Variants in PTCHD4 observed in about 807,000 individuals in gnomAD.
The protein encoded by PTCHD4 is patched domain-containing protein 4.
Under a neutral mutation model 58.1 loss-of-function variants are expected in PTCHD4, and 33 were observed. The observed-to-expected ratio is 0.57, with a 90% confidence interval of 0.43 to 0.76. PTCHD4 has a LOEUF of 0.76. Among genes scored for constraint, PTCHD4 ranks in the 30% least tolerant of loss-of-function variants. The pLI is 0.00. For synonymous variants in PTCHD4, 478 were observed against 409.6 expected, an observed-to-expected ratio of 1.17 and a Z score of -2.02; for missense variants, 1,058 against 1,027.1, an observed-to-expected ratio of 1.03 and a Z score of -0.41.
intron 3 of PTCHD4, among the ~76,000 whole-genome samples, chr6:48,065,249 A>G (rs1301868415): frequency 6.6e-6 from 1 of 152,154 alleles, no homozygotes; most frequent in African/African-American, 2.4e-5. Context: ...ATGTCAAGTA[A>G]TTGCCAATTC....
intron 4 of PTCHD4, among the ~76,000 whole-genome samples, chr6:48,001,225 A>G (rs759285437): frequency 7.2e-5 from 11 of 152,202 alleles, no homozygotes; most frequent in African/African-American, 2.7e-4. Context: ...CAAGCTACCA[A>G]TGACTTTCTT....
intron 1 of PTCHD4, among the ~76,000 whole-genome samples, chr6:48,089,776 T>A (rs954398101): frequency 1.3e-5 from 2 of 152,248 alleles, no homozygotes; most frequent in Non-Finnish European, 2.9e-5. Context: ...TTCCCAAAGT[T>A]GTGAATCACA....
Position 47,879,472 on chromosome 6 carries a change from T to C in PTCHD4, c.1363A>G (p.Ile455Val). 1.2e-6 allele frequency: 2 copies of C among 1,613,628 alleles called. No homozygotes were observed. The highest frequency in any genetic ancestry group is 1.7e-6 in the Non-Finnish European group (2 of 1,179,698). The change falls in exon 5 of 5, where the codon ATT (isoleucine) becomes GTT (valine). Residue 455 changes from isoleucine (I) to valine (V), a missense_variant. By Grantham distance (29) the Ile-to-Val change is conservative (BLOSUM62 3). Transcript: ENST00000339488. ...HFLREHYNEW[I>V]TNIYVKPFVV... ...AATGGCTTCACATATATATTGGTAA[T>C]CCATTCATTATAATGTTCACGGAGG... is the stretch of plus-strand genomic sequence containing the variant.
At chr6:48,054,767 A>G (rs1048906728) in intron 3 of PTCHD4, among the ~76,000 whole-genome samples, 1 of 152,242 alleles carries the variant, frequency 6.6e-6, no homozygotes, top group Admixed American at 6.5e-5. Flanking sequence ...ACAACCGTGT[A>G]TTTTATAGTT....
Position 47,859,694 on chromosome 6 carries a change from A to C in PTCHD4, c.*18609T>G, listed in dbSNP as rs768988897. Among the ~76,000 whole-genome samples the C allele has an allele frequency of 6.6e-6, 1 of 152,042 alleles. No homozygotes were observed. The highest frequency in any genetic ancestry group is 1.5e-5 in the Non-Finnish European group (1 of 67,980). Reference sequence around the variant, plus strand: ...ATTTACTGGGGACAGACAGACAATAAACAAATCCCATGACAAATATGAAAG... The same window carrying C: ...ATTTACTGGGGACAGACAGACAATACACAAATCCCATGACAAATATGAAAG... On this transcript the variant is annotated 3_prime_UTR_variant, in exon 5 of 5. Coordinates refer to ENST00000339488, the MANE Select transcript of PTCHD4 (RefSeq NM_001384253.1).
intron 4 of PTCHD4, among the ~76,000 whole-genome samples, chr6:47,962,829 C>CAA (rs200073541): frequency 2.6e-4 from 29 of 113,320 alleles, no homozygotes; most frequent in Non-Finnish European, 3.2e-4. Context: ...TACAACTCAG[C>CAA]AAAAAAAAAA....
chr6:48,027,438 G>T (rs1238030404), intron 3 of PTCHD4, among the ~76,000 whole-genome samples: 2 of 151,954 alleles, frequency 1.3e-5, no homozygotes, highest in Non-Finnish European at 2.9e-5. Context: ...AGGCAAATAA[G>T]GTTAAAAATA....
intron 1 of PTCHD4, among the ~76,000 whole-genome samples, chr6:48,070,275 G>T (rs1176722580): frequency 1.3e-5 from 2 of 152,086 alleles, no homozygotes; most frequent in Non-Finnish European, 2.9e-5. Context: ...AGTTTCAAGA[G>T]ATGTTCTGTG....
chr6:48,056,688 C>T (rs1267430081), intron 3 of PTCHD4, among the ~76,000 whole-genome samples: 1 of 152,124 alleles, frequency 6.6e-6, no homozygotes, highest in Non-Finnish European at 1.5e-5. Flanking sequence ...GGAGCTCTGG[C>T]CCTTGCAGAC....
At chr6:47,898,069 C>T (rs964607944) in intron 4 of PTCHD4, among the ~76,000 whole-genome samples, 6 of 151,312 alleles carry the variant, frequency 4.0e-5, no homozygotes, top group African/African-American at 9.7e-5. Flanking sequence ...CGCAGCCTCC[C>T]GAGTAGCTGG....
intron 1 of PTCHD4, among the ~76,000 whole-genome samples, chr6:48,090,347 G>A (rs907872775): frequency 2.0e-5 from 3 of 152,198 alleles, no homozygotes; most frequent in Admixed American, 6.5e-5. Context: ...TCTCAGGGAA[G>A]CCTATGAAAA....
At chr6:48,096,022 CAAT>C (rs1765464039) in intron 1 of PTCHD4, among the ~76,000 whole-genome samples, 1 of 152,048 alleles carries the variant, frequency 6.6e-6, no homozygotes, top group African/African-American at 2.4e-5. Flanking sequence ...TATGGGGAAG[CAAT>C]GATGAATAGG....
intron 4 of PTCHD4, among the ~76,000 whole-genome samples, chr6:47,963,570 G>T (rs1296154203): frequency 6.6e-6 from 1 of 152,170 alleles, no homozygotes; most frequent in African/African-American, 2.4e-5. Context: ...ATAGACAAGA[G>T]TTGAAAGCAA....
chr6:48,057,180 GT>G (rs368272988), intron 3 of PTCHD4, among the ~76,000 whole-genome samples: 8 of 146,642 alleles, frequency 5.5e-5, no homozygotes, highest in African/African-American at 2.0e-4. Flanking sequence ...GGTTTTTTTT[GT>G]TTTTTTTTGT....
intron 4 of PTCHD4, among the ~76,000 whole-genome samples, chr6:47,976,313 T>C (rs891483647): frequency 6.6e-6 from 1 of 152,144 alleles, no homozygotes; most frequent in Admixed American, 6.5e-5. Flanking sequence ...GAAAGTCTGC[T>C]AAAATCTCAA....
intron 1 of PTCHD4, among the ~76,000 whole-genome samples, chr6:48,085,114 T>G (rs1765238832): frequency 6.6e-6 from 1 of 152,008 alleles, no homozygotes; most frequent in South Asian, 2.1e-4. Flanking sequence ...TAGTTAAGTC[T>G]GCAAGAGTGA....
In PTCHD4 at chr6:47,858,738, T is replaced by A. The variant is rs2114052738; in HGVS notation, c.*19565A>T. 6.6e-6 allele frequency among the ~76,000 whole-genome samples: 1 copy of A among 152,148 alleles called. No homozygotes were observed. Among genetic ancestry groups the A allele is most frequent in the Non-Finnish European group, 1.5e-5 (1 of 67,962 alleles). The stretch of plus-strand genomic sequence containing the variant: ...GTGGAATAAATAATAAACCTGCTGA[T>A]GTTAAGAAAACTAAAACAAGTTCCA... On this transcript the variant is annotated 3_prime_UTR_variant, in exon 5 of 5. Coordinates refer to ENST00000339488, the MANE Select transcript of PTCHD4 (RefSeq NM_001384253.1).
At chr6:47,993,951 C>T (rs1768376386) in intron 4 of PTCHD4, among the ~76,000 whole-genome samples, 1 of 152,166 alleles carries the variant, frequency 6.6e-6, no homozygotes, top group African/African-American at 2.4e-5. Flanking sequence ...GCTGTTATCA[C>T]TTTTAAAGTA....
intron 1 of PTCHD4, among the ~76,000 whole-genome samples, chr6:48,075,307 G>C (rs1765042409): frequency 6.6e-6 from 1 of 152,132 alleles, no homozygotes; most frequent in African/African-American, 2.4e-5. Context: ...TAAAAAGAAA[G>C]CCTGTAGACA....
Sources: allele counts gnomAD v4.1 joint callset (sites outside exome capture counted in the v4.1 genomes callset), GRCh38; gene constraint gnomAD v4.1.1; transcripts MANE v1.5; gene names NCBI Gene and HGNC (gene_info 2026-07-23, HGNC 2026-07-21).